The following IREB2 variants were observed in gnomAD, a reference collection of about 807,000 sequenced individuals.
The protein encoded by IREB2 is iron responsive element binding protein 2.
IREB2 carries 39 observed loss-of-function variants against 118.8 expected under a neutral mutation model. The observed-to-expected ratio is 0.33, with a 90% CI of 0.25 to 0.43. The LOEUF (loss-of-function observed/expected upper bound fraction) is 0.43. Ranked by LOEUF, IREB2 falls within the 20% of genes least tolerant of loss-of-function variation. The pLI is 1.00. For synonymous variants in IREB2, 372 were observed against 392.2 expected (o/e 0.95, Z 0.61); for missense variants, 900 against 1,147.3 (o/e 0.78, Z 3.11).
At chr15:78,492,780 C>T (rs2051773653) in intron 18 of IREB2, among the ~76,000 whole-genome samples, 1 of 152,072 alleles carries the variant, frequency 6.6e-6, no homozygotes, top group Non-Finnish European at 1.5e-5. Context: ...GGCTGGTCTC[C>T]AACACATGGG....
Position 78,488,742 on chromosome 15 carries a change from A to G in IREB2, c.2047A>G (p.Met683Val). The G allele has an allele frequency of 3.2e-6, 5 of 1,549,234 alleles. No homozygotes were observed. In the South Asian group the frequency reaches 4.5e-5, roughly 14 times the overall value. The change falls in exon 16 of 22, where the codon ATG becomes GTG. Residue 683 changes from methionine to valine, a missense_variant. Met to Val is a conservative substitution (Grantham distance 21). Transcript: ENST00000258886. The stretch of plus-strand genomic sequence containing the variant: ...AGAGGAAGAACATGTTATACTATCC[A>G]TGTTTAAAGCATTAAAAGATAAAAT... ...RVEEEHVILS[M>V]FKALKDKIEM... is the part of the protein sequence containing the mutation.
chr15:78,457,960 A>G (rs1014969767), intron 2 of IREB2, among the ~76,000 whole-genome samples: 1 of 152,046 alleles, frequency 6.6e-6, no homozygotes, highest in African/African-American at 2.4e-5. Context: ...TGAAGTAAGG[A>G]TGGAAACTAA....
At chr15:78,469,926 C>T (rs1265900162) in intron 5 of IREB2, among the ~76,000 whole-genome samples, 1 of 152,050 alleles carries the variant, frequency 6.6e-6, no homozygotes, top group Admixed American at 6.6e-5. Flanking sequence ...AAAAATGATA[C>T]TATGTTACTG....
chr15:78,472,844 T>C (rs898146280), intron 7 of IREB2, among the ~76,000 whole-genome samples: 1 of 152,212 alleles, frequency 6.6e-6, no homozygotes, highest in African/African-American at 2.4e-5. Context: ...CTTTGTAAGC[T>C]TACTCTTTCA....
chr15:78,472,241 T>C (rs1481250479), intron 7 of IREB2, among the ~76,000 whole-genome samples: 2 of 152,248 alleles, frequency 1.3e-5, no homozygotes, highest in South Asian at 4.1e-4. Context: ...CTCCTGGTCT[T>C]CTTTATAAGT....
rs977771617 is a variant in IREB2, at chr15:78,454,733, G to A, written c.107-8189G>A. Among the ~76,000 whole-genome samples the A allele has an allele frequency of 3.9e-5, 6 of 152,112 alleles. 1 individual carries two copies. The highest frequency in any genetic ancestry group is 4.1e-4 in the South Asian group (2 of 4,820). On this transcript the variant is annotated intron_variant, in intron 2 of 21. Coordinates refer to ENST00000258886, the MANE Select transcript of IREB2 (RefSeq NM_004136.4). ...TTTAGAGACAGGGTCTTACTCTGTCGCCCAGGCTGGAGTGCAGTGGCATGA... is the reference window on the plus strand; with the variant it reads ...TTTAGAGACAGGGTCTTACTCTGTCACCCAGGCTGGAGTGCAGTGGCATGA...
In IREB2 at chr15:78,501,009, T is replaced by C. The variant is rs1195733570; in HGVS notation, c.*2866T>C. 6.6e-6 allele frequency: 1 copy of C among 152,162 alleles called. No individual in the cohort carries two copies. Among genetic ancestry groups the C allele is most frequent in the Non-Finnish European group, 1.5e-5 (1 of 68,026 alleles). The allele number at this position is 152,162 out of a possible 1,614,324, so 9.4% of individuals were successfully genotyped here. ...TGATGAGTGAGAGGATGAGAAGAAATTATTTGACATTTTTCTGTGGTTGAA... is the reference window on the plus strand; with the variant it reads ...TGATGAGTGAGAGGATGAGAAGAAACTATTTGACATTTTTCTGTGGTTGAA... On this transcript the variant is annotated 3_prime_UTR_variant, in exon 22 of 22. Coordinates refer to ENST00000258886, the MANE Select transcript of IREB2 (RefSeq NM_004136.4).
chr15:78,485,833 A>G lies in IREB2; in HGVS notation c.1702A>G (p.Lys568Glu), dbSNP rs768197345. 1.2e-6 allele frequency: 2 copies of G among 1,613,270 alleles called. No individual in the cohort carries two copies. Among genetic ancestry groups the G allele is most frequent in the Non-Finnish European group, 1.7e-6 (2 of 1,179,502 alleles). The change falls in exon 13 of 22, where the codon AAG becomes GAG. Residue 568 changes from lysine (K) to glutamate (E), a missense_variant. Physicochemically the swap from Lys to Glu is moderately conservative, Grantham distance 56 (BLOSUM62 1). Coordinates refer to ENST00000258886, the MANE Select transcript of IREB2 (RefSeq NM_004136.4). ...AAGTGGAGTATTACCATATCTAAGTAAGCTTGGGTAAGTAACAGCTATCGC... is the reference window on the plus strand; with the variant it reads ...AAGTGGAGTATTACCATATCTAAGTGAGCTTGGGTAAGTAACAGCTATCGC... ...SSSGVLPYLS[K>E]LGFEIVGYGC...
chr15:78,491,232 G>A (rs558744781), intron 18 of IREB2, among the ~76,000 whole-genome samples: 2 of 152,082 alleles, frequency 1.3e-5, no homozygotes, highest in East Asian at 1.9e-4. Flanking sequence ...TCTGCTTCAT[G>A]AGCCTAAAAT....
At chr15:78,449,818 C>G (rs1005343969) in intron 2 of IREB2, among the ~76,000 whole-genome samples, 3 of 151,968 alleles carry the variant, frequency 2.0e-5, no homozygotes, top group Non-Finnish European at 4.4e-5. Context: ...TTTTCAGAGC[C>G]GAACCACCTA....
At chr15:78,495,401 TG>T (rs1357317663) in intron 20 of IREB2, among the ~76,000 whole-genome samples, 2 of 152,180 alleles carry the variant, frequency 1.3e-5, no homozygotes, top group Non-Finnish European at 2.9e-5. Context: ...GCCCTCCATT[TG>T]TTAGACATTA....
intron 2 of IREB2, among the ~76,000 whole-genome samples, chr15:78,459,107 A>T (rs928887622): frequency 1.3e-5 from 2 of 152,182 alleles, no homozygotes; most frequent in African/African-American, 4.8e-5. Flanking sequence ...GTATATTCTT[A>T]ACGGGAAAAA....
Position 78,487,794 on chromosome 15 carries a change from G to T in IREB2, c.1771G>T (p.Ala591Ser), listed in dbSNP as rs746547492. The T allele has an allele frequency of 2.5e-6, 4 of 1,604,054 alleles. No homozygotes were observed. In the East Asian group the frequency reaches 8.9e-5, roughly 36 times the overall value. Reference sequence around the variant, plus strand: ...GGGAAATACAGCACCCTTATCAGACGCAGTTTTAAATGCAGTAAAACAGGT... The same window carrying T: ...GGGAAATACAGCACCCTTATCAGACTCAGTTTTAAATGCAGTAAAACAGGT... The part of the protein sequence containing the change: ...CVGNTAPLSD[A>S]VLNAVKQGDL... Residue 591 changes from alanine (A) to serine (S), a missense_variant, in exon 14 of 22, where the codon GCA (alanine) becomes TCA (serine). Transcript: ENST00000258886.
At chr15:78,490,916 C>T (rs1224428165) in intron 18 of IREB2, among the ~76,000 whole-genome samples, 155 bp downstream of exon 18, 4 of 147,122 alleles carry the variant, frequency 2.7e-5, no homozygotes, top group Non-Finnish European at 3.0e-5. Context: ...TGGAGAGTGG[C>T]GGGGTGGGGA....
chr15:78,489,847 C>CCATGTA (rs1451833637), intron 16 of IREB2, among the ~76,000 whole-genome samples: 3 of 152,162 alleles, frequency 2.0e-5, no homozygotes, highest in Non-Finnish European at 4.4e-5. Context: ...AGTTTGAAGG[C>CCATGTA]GTTGATGTGG....
At chr15:78,478,226 C>T in intron 9 of IREB2, 71 bp from the exon 10 acceptor site, 1 of 1,042,162 alleles carries the variant, frequency 9.6e-7, no homozygotes, top group Non-Finnish European at 1.5e-6. Flanking sequence ...AAAGTGAAAC[C>T]CTGTCTGAAA....
rs992401840 is a variant in IREB2, at chr15:78,498,905, A to G, written c.*762A>G. The G allele has an allele frequency of 1.3e-5, 2 of 152,234 alleles. No individual in the cohort carries two copies. The highest frequency in any genetic ancestry group is 2.9e-5 in the Non-Finnish European group (2 of 68,044). 9.4% of individuals were successfully genotyped at this position (152,234 alleles called of 1,614,324 possible). A position where few individuals can be genotyped will look rare whatever the true frequency, so the allele number is the denominator to read the frequency against. ...GTCTGGCAAGCCCCCAGATGGCGTT[A>G]TATTAATTGGATTAGATTATTTTGC... On this transcript the variant is annotated 3_prime_UTR_variant, in exon 22 of 22. Coordinates refer to ENST00000258886, the MANE Select transcript of IREB2 (RefSeq NM_004136.4).
intron 16 of IREB2, among the ~76,000 whole-genome samples, chr15:78,489,681 ATTT>A: frequency 6.6e-6 from 1 of 151,964 alleles, no homozygotes; most frequent in East Asian, 1.9e-4. Flanking sequence ...GGCCCAGCTA[ATTT>A]TTTATTTTTT....
chr15:78,455,642 G>A (rs1293317766), intron 2 of IREB2, among the ~76,000 whole-genome samples: 2 of 151,870 alleles, frequency 1.3e-5, no homozygotes, highest in African/African-American at 2.4e-5. Flanking sequence ...ACTCTCTATT[G>A]TTGTAACTCT....
Sources: allele counts gnomAD v4.1 joint callset (sites outside exome capture counted in the v4.1 genomes callset), GRCh38; gene constraint gnomAD v4.1.1; transcripts MANE v1.5; gene names NCBI Gene and HGNC (gene_info 2026-07-23, HGNC 2026-07-21).